Variants in ZNF131 observed in about 807,000 individuals in gnomAD.
ZNF131 encodes the protein zinc finger protein 131.
ZNF131 carries 7 observed loss-of-function variants against 60.0 expected under a neutral mutation model. That is an observed-to-expected ratio of 0.12 (90% confidence interval 0.07 to 0.22). The LOEUF is 0.22. Among genes scored for constraint, ZNF131 ranks in the 10% least tolerant of loss-of-function variants. The pLI, the probability that ZNF131 is intolerant of heterozygous loss-of-function variation, is 1.00. For synonymous variants in ZNF131, 257 were observed against 253.2 expected (o/e 1.01, Z -0.14); for missense variants, 493 against 740.9 (o/e 0.67, Z 3.88).
Position 43,174,524 on chromosome 5 carries a change from T to C in ZNF131, c.1263T>C (p.His421=). The stretch of plus-strand genomic sequence containing the variant: ...TACACACTGGAGATAAACCCAACCA[T>C]TGTACTTTATGTGATTTGTGGTTTA... ...LVIHTGDKPN[H]CTLCDLWFMQ... is the part of the protein sequence containing the mutation. The change falls in exon 7 of 7, where the codon CAT becomes CAC. Residue 421 remains histidine (H), a synonymous_variant. Transcript: ENST00000682664. 1 of 1,586,480 alleles carries C rather than the reference T, an allele frequency of 6.3e-7. No homozygotes were observed. The highest frequency in any genetic ancestry group is 8.6e-7 in the Non-Finnish European group (1 of 1,165,888).
intron 3 of ZNF131, among the ~76,000 whole-genome samples, chr5:43,134,989 G>T (rs1430032977): frequency 2.7e-5 from 4 of 147,318 alleles, no homozygotes; most frequent in African/African-American, 1.0e-4. Context: ...GAGCCACCGC[G>T]CCCGGCCATC....
intron 5 of ZNF131, among the ~76,000 whole-genome samples, chr5:43,172,840 A>G (rs1751172308): frequency 6.6e-6 from 1 of 151,760 alleles, no homozygotes; most frequent in South Asian, 2.1e-4. Flanking sequence ...AGTGCATTGC[A>G]TTTGTTTATT....
At chr5:43,156,634 C>T (rs1240618901) in intron 4 of ZNF131, among the ~76,000 whole-genome samples, 7 of 152,184 alleles carry the variant, frequency 4.6e-5, no homozygotes, top group South Asian at 2.1e-4. Flanking sequence ...ATTTCAGCTT[C>T]GGGGATTCCT....
At position 43,161,608 on chromosome 5, in the gene ZNF131, T is replaced by TAGA; in HGVS notation, c.734_736dup (p.Glu245dup). The TAGA allele has an allele frequency of 6.2e-7, 1 of 1,614,184 alleles. No homozygotes were observed. The highest frequency in any genetic ancestry group is 1.1e-5 in the South Asian group (1 of 91,088). Reference sequence around the variant, plus strand: ...CCATCTGACCCCACGAGCAAACAGGTAGAAGGTATTGAAATTGTGGAACTT... The same window carrying TAGA: ...CCATCTGACCCCACGAGCAAACAGGTAGAAGAAGGTATTGAAATTGTGGAACTT... On this transcript the variant is annotated inframe_insertion, in exon 5 of 7. Transcript: ENST00000682664.
At chr5:43,168,874 G>A (rs1460431377) in intron 5 of ZNF131, among the ~76,000 whole-genome samples, 1 of 152,190 alleles carries the variant, frequency 6.6e-6, no homozygotes, top group African/African-American at 2.4e-5. Flanking sequence ...AAAAGAGCTG[G>A]TGACTCCCAG....
chr5:43,154,516 G>A (rs1350697476), intron 4 of ZNF131, among the ~76,000 whole-genome samples: 3 of 152,132 alleles, frequency 2.0e-5, no homozygotes, highest in African/African-American at 4.8e-5. Flanking sequence ...AGGAACAGTC[G>A]GAGACAATGC....
At chr5:43,156,971 T>TTG (rs1749043088) in intron 4 of ZNF131, among the ~76,000 whole-genome samples, 1 of 152,254 alleles carries the variant, frequency 6.6e-6, no homozygotes, top group East Asian at 1.9e-4. Context: ...AGGGAGCTTT[T>TTG]CAGCAGCATT....
chr5:43,168,321 G>A (rs762497176), intron 5 of ZNF131, among the ~76,000 whole-genome samples: 1 of 152,196 alleles, frequency 6.6e-6, no homozygotes, highest in Non-Finnish European at 1.5e-5. Flanking sequence ...AGTTAGCCTC[G>A]AAACAGGTAT....
At chr5:43,146,545 A>G (rs1490807750) in intron 4 of ZNF131, among the ~76,000 whole-genome samples, 2 of 152,048 alleles carry the variant, frequency 1.3e-5, no homozygotes, top group Non-Finnish European at 2.9e-5. Context: ...CAGTGAGCCG[A>G]GATTGCGCCA....
At chr5:43,125,155 A>G (rs1209397708) in intron 3 of ZNF131, 1 of 152,266 alleles carries the variant, frequency 6.6e-6, no homozygotes, top group African/African-American at 2.4e-5. Context: ...AAATTTCATA[A>G]CAGGTGAGCA....
At chr5:43,173,100 G>A (rs1751204982) in intron 5 of ZNF131, 1 of 348,584 alleles carries the variant, frequency 2.9e-6, no homozygotes, top group Non-Finnish European at 5.1e-6. Context: ...ATTTATCTTT[G>A]TCAAAGCATA....
rs1267214393 is a variant in ZNF131 at position 43,174,875 on chromosome 5, A to G, written c.1614A>G (p.Val538=). ...GRIQTEEGTE[V]HVEELHVERV... ...TTCAGACTGAAGAAGGTACTGAAGTACATGTAGAGGAGCTGCATGTTGAAC... is the reference window on the plus strand; with the variant it reads ...TTCAGACTGAAGAAGGTACTGAAGTGCATGTAGAGGAGCTGCATGTTGAAC... The change falls in exon 7 of 7, where the codon GTA becomes GTG. Residue 538 remains valine (V), a synonymous_variant. Coordinates refer to ENST00000682664, the MANE Select transcript of ZNF131 (RefSeq NM_001330707.2). 6.2e-7 allele frequency: 1 copy of G among 1,614,192 alleles called. No individual in the cohort carries two copies. The highest frequency in any genetic ancestry group is 1.1e-5 in the South Asian group (1 of 91,086).
chr5:43,143,338 T>G, intron 4 of ZNF131: 1 of 1,292,248 alleles, frequency 7.7e-7, no homozygotes, highest in Non-Finnish European at 9.8e-7. Flanking sequence ...TTTATTTAAG[T>G]GCAGTGATCC....
intron 1 of ZNF131, 49 bp downstream of exon 1, chr5:43,121,172 G>C (rs1743742491): frequency 6.5e-6 from 1 of 153,176 alleles, no homozygotes; most frequent in Admixed American, 6.5e-5. Context: ...GGGGCAGGAC[G>C]GGGCGGGAGG....
intron 4 of ZNF131, among the ~76,000 whole-genome samples, chr5:43,155,785 G>T (rs529440488): frequency 3.3e-5 from 5 of 152,304 alleles, no homozygotes; most frequent in African/African-American, 4.8e-5. Flanking sequence ...TGGATGGATG[G>T]AGTGTTGTGA....
At chr5:43,160,004 A>G (rs369013107) in intron 4 of ZNF131, among the ~76,000 whole-genome samples, 10,631 of 151,888 alleles carry the variant, frequency 0.07, 442 homozygotes, top group South Asian at 0.13. Context: ...GTGAAACCCC[A>G]TCTCTACTAA....
At position 43,158,736 on chromosome 5, in the gene ZNF131, T is replaced by C. The variant is rs142110822; in HGVS notation, c.372-2513T>C. Among the ~76,000 whole-genome samples the C allele has an allele frequency of 6.3e-3, 956 of 152,332 alleles. 9 individuals carry two copies. The highest frequency in any genetic ancestry group is 0.022 in the African/African-American group (919 of 41,580). On this transcript the variant is annotated intron_variant, in intron 4 of 6. Coordinates refer to ENST00000682664, the MANE Select transcript of ZNF131 (RefSeq NM_001330707.2). ...GGCAGTAAAGTAGAGGGCCATTTAT[T>C]GCTTTGTTGACTATACAGTGTAGTC...
rs139991070 is a variant in ZNF131, at chr5:43,136,650, C to CTT, written c.227-2500_227-2499dup. Reference sequence around the variant, plus strand: ...TTTTCTTTTTTTCTTTTTTCTTTTTCTTTTTTTTTTTTTTTTAGTAGAGAC... The same window carrying CTT: ...TTTTCTTTTTTTCTTTTTTCTTTTTCTTTTTTTTTTTTTTTTTTAGTAGAGAC... On this transcript the variant is annotated intron_variant, in intron 3 of 6. Coordinates refer to ENST00000682664, the MANE Select transcript of ZNF131 (RefSeq NM_001330707.2). Among the ~76,000 whole-genome samples, 934 of 122,504 alleles carry CTT rather than the reference C, an allele frequency of 7.6e-3. 18 individuals are homozygous for CTT. The highest frequency in any genetic ancestry group is 0.018 in the East Asian group (72 of 4,048). 80.4% of individuals were successfully genotyped at this position (122,504 alleles called of 152,430 possible). A position where few individuals can be genotyped will look rare whatever the true frequency, so the allele number is the denominator to read the frequency against.
chr5:43,171,655 C>G lies in ZNF131; in HGVS notation c.1055-1663C>G, dbSNP rs573736180. Among the ~76,000 whole-genome samples the G allele has an allele frequency of 1.5e-3, 235 of 152,278 alleles. 1 individual carries two copies. Among genetic ancestry groups the G allele is most frequent in the Admixed American group, 2.7e-3 (41 of 15,292 alleles). ...TTATTTTTTTTGAGATGGAGTCTCGCTCTGTCGCCCAAGCTAGAGTACAGT... is the reference window on the plus strand; with the variant it reads ...TTATTTTTTTTGAGATGGAGTCTCGGTCTGTCGCCCAAGCTAGAGTACAGT... On this transcript the variant is annotated intron_variant, in intron 5 of 6. Coordinates refer to ENST00000682664, the MANE Select transcript of ZNF131 (RefSeq NM_001330707.2).
Sources: gnomAD v4.1 joint callset for allele counts (sites outside exome capture counted in the v4.1 genomes callset) on GRCh38, gnomAD v4.1.1 for gene constraint, MANE v1.5 for transcripts, NCBI Gene and HGNC (gene_info 2026-07-23, HGNC 2026-07-21) for gene names.